The following PRDM4 variants were observed in gnomAD, a reference collection of about 807,000 sequenced individuals.
PRDM4 encodes the protein PR domain zinc finger protein 4.
Under a neutral mutation model 62.3 loss-of-function variants are expected in PRDM4, and 38 were observed. The observed-to-expected ratio is 0.61, with a 90% confidence interval of 0.47 to 0.80. The LOEUF (loss-of-function observed/expected upper bound fraction) is 0.80. PRDM4 is among the 30% of genes least tolerant of loss of function. The pLI is 0.00. For synonymous variants in PRDM4, 339 were observed against 348.2 expected (o/e 0.97, Z 0.30); for missense variants, 858 against 997.1 (o/e 0.86, Z 1.88).
chr12:107,739,423 G>A lies in PRDM4; in HGVS notation c.2053C>T (p.Arg685Trp), dbSNP rs1199134280. The A allele has an allele frequency of 3.7e-6, 6 of 1,613,680 alleles. No individual in the cohort carries two copies. Among genetic ancestry groups the A allele is most frequent in the Non-Finnish European group, 5.1e-6 (6 of 1,179,800 alleles). Reference sequence around the variant, plus strand: ...ACGTGCTGCTTGAGGTCCTGCCTCCGCATAAACAACTTGTCACAGTAATCA... The same window carrying A: ...ACGTGCTGCTTGAGGTCCTGCCTCCACATAAACAACTTGTCACAGTAATCA... ...KCDYCDKLFM[R>W]RQDLKQHVLI... is the part of the protein sequence containing the mutation. The change falls in exon 11 of 12, where the codon CGG (arginine) becomes TGG (tryptophan). Residue 685 changes from arginine to tryptophan, a missense_variant. Arg to Trp is a moderately radical substitution (Grantham distance 101, BLOSUM62 -3). Around this residue, in one of 3 missense-constraint regions of PRDM4, gnomAD observed 355 missense variants for 432.6 expected, o/e 0.82. Transcript: ENST00000228437.
intron 11 of PRDM4, among the ~76,000 whole-genome samples, chr12:107,735,999 C>T (rs1163852385): frequency 1.3e-5 from 2 of 152,156 alleles, no homozygotes; most frequent in African/African-American, 2.4e-5. Context: ...CTTAATTCTG[C>T]AGATGGGAAA....
chr12:107,758,796 C>A (rs1891140480), intron 2 of PRDM4, among the ~76,000 whole-genome samples: 1 of 152,126 alleles, frequency 6.6e-6, no homozygotes, highest in Non-Finnish European at 1.5e-5. Context: ...TCTAAGACAT[C>A]AATAAAATGT....
chr12:107,756,180 A>G (rs528588707), intron 3 of PRDM4, among the ~76,000 whole-genome samples: 1 of 152,082 alleles, frequency 6.6e-6, no homozygotes, highest in Admixed American at 6.5e-5. Context: ...GAATCACTTG[A>G]ACCCGGGAGG....
chr12:107,742,378 C>T, intron 8 of PRDM4, 30 bp from the exon 9 acceptor site: 1 of 1,610,984 alleles, frequency 6.2e-7, no homozygotes, highest in Non-Finnish European at 8.5e-7. Flanking sequence ...AGATCAAGCA[C>T]ATTAATTTTG....
rs2136327185 is a variant in PRDM4 at position 107,751,685 on chromosome 12, T to C, written c.856A>G (p.Ser286Gly). The change falls in exon 5 of 12, where the codon AGT (serine) becomes GGT (glycine). Residue 286 changes from serine to glycine, a missense_variant. This residue lies in a region of PRDM4 where 499 missense variants were observed against 546.7 expected (regional missense o/e 0.91). Coordinates refer to ENST00000228437, the MANE Select transcript of PRDM4 (RefSeq NM_012406.4). ...RVNGMSDSAL[S>G]DSIHTVAMST... ...ATGGCCACAGTGTGAATGGAGTCAC[T>C]GAGGGCACTGTCAGACATGCCATTG... 1 of 1,614,190 alleles carries C rather than the reference T, an allele frequency of 6.2e-7. No homozygotes were observed. Among genetic ancestry groups the C allele is most frequent in the Non-Finnish European group, 8.5e-7 (1 of 1,180,032 alleles).
chr12:107,744,631 C>T lies in PRDM4; in HGVS notation c.1307G>A (p.Arg436Gln), dbSNP rs761088453. ...GVWTGETIPVRTCFGPLIGQQ... is the reference protein window; with the variant it reads ...GVWTGETIPVQTCFGPLIGQQ... The stretch of plus-strand genomic sequence containing the variant: ...GCCAATTAGAGGTCCAAAGCAAGTC[C>T]GCACAGGAATGGTTTCTCCAGTCCA... Residue 436 changes from arginine to glutamine, a missense_variant, in exon 7 of 12, where the codon CGG (arginine) becomes CAG (glutamine). By Grantham distance (43) the Arg-to-Gln change is conservative (BLOSUM62 1). Transcript: ENST00000228437. The T allele has an allele frequency of 1.3e-5, 21 of 1,613,656 alleles. No individual in the cohort carries two copies. Among genetic ancestry groups the T allele is most frequent in the Admixed American group, 3.3e-5 (2 of 59,990 alleles).
chr12:107,751,436 T>A lies in PRDM4; in HGVS notation c.1105A>T (p.Met369Leu), dbSNP rs759686152. ...MEDSNSNKENMATLFTIWCTL... is the reference protein window; with the variant it reads ...MEDSNSNKENLATLFTIWCTL... ...TCACAAATTGTAAACAAGGTTGCCA[T>A]GTTCTCCTTGTTTGAATTGGAGTCT... The change falls in exon 5 of 12, where the codon ATG (methionine) becomes TTG (leucine). Residue 369 changes from methionine (M) to leucine (L), a missense_variant. Coordinates refer to ENST00000228437, the MANE Select transcript of PRDM4 (RefSeq NM_012406.4). The A allele has an allele frequency of 6.2e-7, 1 of 1,605,842 alleles. No homozygotes were observed. The highest frequency in any genetic ancestry group is 1.7e-5 in the Admixed American group (1 of 59,926).
rs1042124654 is a variant in PRDM4 at position 107,733,254 on chromosome 12, C to G, written c.*956G>C. The G allele has an allele frequency of 3.3e-5, 5 of 152,234 alleles. No homozygotes were observed. Among genetic ancestry groups the G allele is most frequent in the African/African-American group, 1.2e-4 (5 of 41,448 alleles). 9.4% of individuals were successfully genotyped at this position (152,234 alleles called of 1,614,324 possible). A position where few individuals can be genotyped will look rare whatever the true frequency, so the allele number is the denominator to read the frequency against. Reference sequence around the variant, plus strand: ...CTGGGAAGACCTAACTTTGCACATGCATTAAATAATGTTATTTTGAGTTGG... The same window carrying G: ...CTGGGAAGACCTAACTTTGCACATGGATTAAATAATGTTATTTTGAGTTGG... On this transcript the variant is annotated 3_prime_UTR_variant, in exon 12 of 12. Coordinates refer to ENST00000228437, the MANE Select transcript of PRDM4 (RefSeq NM_012406.4).
chr12:107,735,123 C>T (rs755558473), intron 11 of PRDM4, among the ~76,000 whole-genome samples: 27 of 152,166 alleles, frequency 1.8e-4, no homozygotes, highest in Non-Finnish European at 5.9e-5. Context: ...GCCTCAGCCT[C>T]CCAAGTACCT....
rs756348845 is a variant in PRDM4 at position 107,751,953 on chromosome 12, G to A, written c.588C>T (p.Asn196=). 6.2e-6 allele frequency: 10 copies of A among 1,614,042 alleles called. No homozygotes were observed. The highest frequency in any genetic ancestry group is 1.6e-4 in the Middle Eastern group (1 of 6,084). The change falls in exon 5 of 12, where the codon AAC becomes AAT. Residue 196 remains asparagine, a synonymous_variant. Coordinates refer to ENST00000228437, the MANE Select transcript of PRDM4 (RefSeq NM_012406.4). ...VALDTAITME[N]VSRVTSPIST... Reference sequence around the variant, plus strand: ...AAATTGGGCTGGTAACCCTAGAAACGTTCTCCATAGTGATTGCTGTGTCCA... The same window carrying A: ...AAATTGGGCTGGTAACCCTAGAAACATTCTCCATAGTGATTGCTGTGTCCA...
At position 107,756,946 on chromosome 12, in the gene PRDM4, T is replaced by C. The variant is rs528614214; in HGVS notation, c.31A>G (p.Ser11Gly). 3.7e-6 allele frequency: 6 copies of C among 1,614,036 alleles called. No homozygotes were observed. Among genetic ancestry groups the C allele is most frequent in the Non-Finnish European group, 5.1e-6 (6 of 1,180,030 alleles). The stretch of plus-strand genomic sequence containing the variant: ...GTCAGCTGCTCCATCCCCACTGGAC[T>C]CAGGTTCATTTCATTCATCCTAGAA... MHHRMNEMNL[S>G]PVGMEQLTSS... is the part of the protein sequence containing the mutation. The change falls in exon 3 of 12, where the codon AGT (serine) becomes GGT (glycine). Residue 11 changes from serine (S) to glycine (G), a missense_variant. Coordinates refer to ENST00000228437, the MANE Select transcript of PRDM4 (RefSeq NM_012406.4).
At chr12:107,758,836 C>A (rs1026309875) in intron 2 of PRDM4, among the ~76,000 whole-genome samples, 1 of 152,084 alleles carries the variant, frequency 6.6e-6, no homozygotes, top group Non-Finnish European at 1.5e-5. Flanking sequence ...TTGTATAGAA[C>A]AGACATTCTG....
In PRDM4 at chr12:107,752,033, C is replaced by T; in HGVS notation, c.508G>A (p.Val170Met). ...PGIVSIDSRSVNTHGAQSLHP... is the reference protein window; with the variant it reads ...PGIVSIDSRSMNTHGAQSLHP... ...AGACTTTGGGCACCATGTGTGTTCA[C>T]AGAGCGAGAGTCTATTGAAACAATG... is the stretch of plus-strand genomic sequence containing the variant. The change falls in exon 5 of 12, where the codon GTG becomes ATG. Residue 170 changes from valine (V) to methionine (M), a missense_variant. Coordinates refer to ENST00000228437, the MANE Select transcript of PRDM4 (RefSeq NM_012406.4). The T allele has an allele frequency of 6.2e-7, 1 of 1,614,186 alleles. No individual in the cohort carries two copies. The highest frequency in any genetic ancestry group is 8.5e-7 in the Non-Finnish European group (1 of 1,180,006).
chr12:107,740,320 A>G (rs1198815706), intron 10 of PRDM4, among the ~76,000 whole-genome samples: 4 of 151,952 alleles, frequency 2.6e-5, no homozygotes. Context: ...AACCCCATCT[A>G]TATTAAAAAT....
At chr12:107,741,961 T>C (rs1057187037) in intron 9 of PRDM4, among the ~76,000 whole-genome samples, 1 of 152,176 alleles carries the variant, frequency 6.6e-6, no homozygotes, top group Non-Finnish European at 1.5e-5. Context: ...GCTCGAAAAG[T>C]AGCCTAAGGA....
rs1331254996 is a variant in PRDM4 at position 107,740,946 on chromosome 12, C to G, written c.1924G>C (p.Gly642Arg). 6.2e-7 allele frequency: 1 copy of G among 1,611,818 alleles called. No homozygotes were observed. Among genetic ancestry groups the G allele is most frequent in the East Asian group, 2.2e-5 (1 of 44,836 alleles). The change falls in exon 10 of 12, where the codon GGT becomes CGT. Residue 642 changes from glycine (G) to arginine (R), a missense_variant and splice_region_variant. Transcript: ENST00000228437. ...ATTCTGATGGGCCAACACAACTTACCTGTATGTATCTTGAGGTGGGTCCGC... is the reference window on the plus strand; with the variant it reads ...ATTCTGATGGGCCAACACAACTTACGTGTATGTATCTTGAGGTGGGTCCGC... ...NLRTHLKIHT[G>R]QKNYRCTLCD... is the part of the protein sequence containing the mutation.
chr12:107,756,799 G>A (rs767615280), intron 3 of PRDM4, 33 bp downstream of exon 3: 3 of 1,612,154 alleles, frequency 1.9e-6, no homozygotes, highest in African/African-American at 1.3e-5. Context: ...AGAGTTAAGT[G>A]TTGAAATGCA....
intron 5 of PRDM4, among the ~76,000 whole-genome samples, chr12:107,749,992 T>C (rs2136324764): frequency 6.6e-6 from 1 of 152,330 alleles, no homozygotes; most frequent in Admixed American, 6.5e-5. Flanking sequence ...ACATCTTTCT[T>C]GTCCTTAAGG....
intron 11 of PRDM4, chr12:107,738,264 A>C (rs1024631418): frequency 6.6e-6 from 1 of 152,184 alleles, no homozygotes; most frequent in Non-Finnish European, 1.5e-5. Flanking sequence ...AATTTGATGT[A>C]ATATTTGATA....
Sources: gnomAD v4.1 joint callset for allele counts (sites outside exome capture counted in the v4.1 genomes callset) on GRCh38, gnomAD v4.1.1 for gene constraint, gnomAD v4.1.1 regional missense constraint, MANE v1.5 for transcripts, NCBI Gene and HGNC (gene_info 2026-07-23, HGNC 2026-07-21) for gene names.